The following MACF1 variants were observed in gnomAD, a reference collection of about 807,000 sequenced individuals.
MACF1 encodes the protein microtubule actin crosslinking factor 1, also known as microtubule-actin cross-linking factor 1.
Under a neutral mutation model 854.8 loss-of-function variants are expected in MACF1, and 193 were observed. The ratio of observed to expected loss-of-function variants is 0.23; its 90% CI spans 0.20 to 0.25. The LOEUF (loss-of-function observed/expected upper bound fraction) is 0.25, where lower values mean the gene tolerates loss of function less well. MACF1 is among the 10% of genes least tolerant of loss of function. The pLI is 1.00. For missense variants in MACF1, 7,722 were observed against 8,929.1 expected (o/e 0.86, Z 5.45); for synonymous variants, 3,185 against 3,226.7 (o/e 0.99, Z 0.44).
chr1:39,381,383 G>GT (rs1401873545), intron 55 of MACF1, among the ~76,000 whole-genome samples: 1 of 142,586 alleles, frequency 7.0e-6, no homozygotes, highest in Non-Finnish European at 1.5e-5. Flanking sequence ...TTTTTTGGGG[G>GT]GGGGGACAGG....
At chr1:39,276,156 G>A (rs1557558419) in intron 6 of MACF1, among the ~76,000 whole-genome samples, 1 of 152,102 alleles carries the variant, frequency 6.6e-6, no homozygotes, top group African/African-American at 2.4e-5. Flanking sequence ...CTGGGCTCAA[G>A]TGATCCTCTT....
rs1459845622 is a variant in MACF1, at chr1:39,353,209, A to G, written c.11402A>G (p.Asp3801Gly). Residue 3801 changes from aspartate (D) to glycine (G), a missense_variant, in exon 44 of 101, where the codon GAC becomes GGC. This residue lies in a region of MACF1 where 2,807 missense variants were observed against 3,235.8 expected (regional missense o/e 0.87). Coordinates refer to ENST00000564288, the MANE Select transcript of MACF1 (RefSeq NM_001394062.1). ...GTGAATCAAGCCCCAGAGAAACTGGACAAGCAATGTGAGATGATGAAGGTA... is the reference window on the plus strand; with the variant it reads ...GTGAATCAAGCCCCAGAGAAACTGGGCAAGCAATGTGAGATGATGAAGGTA... Reference protein sequence around the residue: ...MGVNQAPEKLDKQCEMMKARH... With the variant: ...MGVNQAPEKLGKQCEMMKARH... 1 of 1,607,264 alleles carries G rather than the reference A, an allele frequency of 6.2e-7. No individual in the cohort carries two copies. Among genetic ancestry groups the G allele is most frequent in the South Asian group, 1.1e-5 (1 of 90,932 alleles).
In MACF1 at chr1:39,443,498, T is replaced by C. The variant is rs769900710; in HGVS notation, c.19355T>C (p.Met6452Thr). 11 of 1,613,814 alleles carry C rather than the reference T, an allele frequency of 6.8e-6. No homozygotes were observed. Among genetic ancestry groups the C allele is most frequent in the Admixed American group, 1.7e-5 (1 of 59,972 alleles). Reference sequence around the variant, plus strand: ...GATTTCCTCTTGGAACTTACTAGAATGGAGAGCCAGCTTTCTGCATCTAAG... The same window carrying C: ...GATTTCCTCTTGGAACTTACTAGAACGGAGAGCCAGCTTTCTGCATCTAAG... Reference protein sequence around the residue: ...IEDFLLELTRMESQLSASKPT... With the variant: ...IEDFLLELTRTESQLSASKPT... Residue 6452 changes from methionine (M) to threonine (T), a missense_variant, in exon 79 of 101, where the codon ATG becomes ACG. Met to Thr is a moderately conservative substitution (Grantham distance 81). Coordinates refer to ENST00000564288, the MANE Select transcript of MACF1 (RefSeq NM_001394062.1).
At chr1:39,360,004 AAAAAAAAAATATATATATATATAT>A (rs1348684902) in intron 47 of MACF1, among the ~76,000 whole-genome samples, 1 of 72,422 alleles carries the variant, frequency 1.4e-5, no homozygotes, top group African/African-American at 6.4e-5. Flanking sequence ...AAAAAAAAAA[AAAAAAAAAATATATATATATATAT>A]ATATATATAT....
intron 18 of MACF1, among the ~76,000 whole-genome samples, chr1:39,294,129 C>T (rs1000028671): frequency 1.3e-5 from 2 of 152,158 alleles, no homozygotes; most frequent in African/African-American, 4.8e-5. Flanking sequence ...TATTGTTCAA[C>T]TGGGATATAC....
intron 15 of MACF1, 85 bp downstream of exon 15, chr1:39,287,647 T>C: frequency 7.0e-7 from 1 of 1,419,868 alleles, no homozygotes; most frequent in Non-Finnish European, 9.8e-7. Context: ...TTGCTTTGTG[T>C]TCCCTGTGCA....
In MACF1 at chr1:39,386,471, G is replaced by A. The variant is rs566625887; in HGVS notation, c.14344+542G>A. Among the ~76,000 whole-genome samples the A allele has an allele frequency of 8.1e-5, 12 of 147,558 alleles. No homozygotes were observed. In the South Asian group the frequency reaches 8.6e-4, roughly 11 times the overall value. On this transcript the variant is annotated intron_variant, in intron 57 of 100. Coordinates refer to ENST00000564288, the MANE Select transcript of MACF1 (RefSeq NM_001394062.1). ...TTTTGAGACAGAGTCTCACTCTGTT[G>A]CCCCAGCTGGAGTGCAGTGGCACGA...
At chr1:39,384,811 A>G (rs1650544493) in intron 56 of MACF1, among the ~76,000 whole-genome samples, 1 of 152,222 alleles carries the variant, frequency 6.6e-6, no homozygotes, top group African/African-American at 2.4e-5. Context: ...TGGGTATTGC[A>G]TGGCAAAGCA....
intron 1 of MACF1, among the ~76,000 whole-genome samples, chr1:39,225,371 C>T (rs1427025608): frequency 3.3e-5 from 5 of 151,038 alleles, no homozygotes; most frequent in East Asian, 3.9e-4. Flanking sequence ...CGCCCGCCAC[C>T]GCGCCCGGCT....
rs752916687 is a variant in MACF1, at chr1:39,084,316, G to A, written c.98G>A (p.Ser33Asn). The stretch of plus-strand genomic sequence containing the variant: ...TCTTACAGGAGCGAGCGGTCGGGGA[G>A]CCTGTCTCCCTGTCCCCCAGGGGAC... The change falls in exon 2 of 94, where the codon AGC becomes AAC. Residue 33 changes from serine to asparagine, a missense_variant. By Grantham distance (46) the Ser-to-Asn change is conservative (BLOSUM62 1). Coordinates refer to the MACF1 transcript ENST00000361689. This position sits in a 1 kb window ranked among gnomAD's most constrained non-coding sequence, Gnocchi z 5.2. 5 of 1,614,064 alleles carry A rather than the reference G, an allele frequency of 3.1e-6. No homozygotes were observed. Among genetic ancestry groups the A allele is most frequent in the Admixed American group, 3.3e-5 (2 of 60,020 alleles).
At chr1:39,316,911 C>G (rs1357952041) in intron 28 of MACF1, among the ~76,000 whole-genome samples, 2 of 152,162 alleles carry the variant, frequency 1.3e-5, no homozygotes, top group South Asian at 4.1e-4. Flanking sequence ...ATGAGAAAAC[C>G]AACACTTACT....
At chr1:39,436,386 A>G (rs1390394054) in intron 70 of MACF1, 4 of 1,306,742 alleles carry the variant, frequency 3.1e-6, no homozygotes, top group East Asian at 2.3e-5. Flanking sequence ...TCTCACTCAC[A>G]TTGTGGAATG....
At chr1:39,377,443 A>C (rs1649821472) in intron 52 of MACF1, among the ~76,000 whole-genome samples, 1 of 152,134 alleles carries the variant, frequency 6.6e-6, no homozygotes, top group Non-Finnish European at 1.5e-5. Flanking sequence ...TCATTACCTC[A>C]CCTGATTTTT....
intron 4 of MACF1, 102 bp from the exon 5 acceptor site, chr1:39,254,196 G>T: frequency 1.0e-6 from 1 of 961,028 alleles, no homozygotes; most frequent in South Asian, 1.4e-5. Flanking sequence ...CTACTGTAAG[G>T]AATTCTTGTG....
chr1:39,152,756 TC>T (rs1643607298), intron 2 of MACF1, among the ~76,000 whole-genome samples: 1 of 152,178 alleles, frequency 6.6e-6, no homozygotes, highest in Non-Finnish European at 1.5e-5. Flanking sequence ...GTGTCTGGAA[TC>T]TGACTTTTGA....
intron 2 of MACF1, chr1:39,103,784 TGCCC>T (rs1398536128): frequency 6.6e-6 from 1 of 152,228 alleles, no homozygotes; most frequent in Admixed American, 6.5e-5. Flanking sequence ...ATGATCTTCA[TGCCC>T]ACAACTTGGG....
chr1:39,430,588 A>AG (rs1400403738), intron 65 of MACF1, 114 bp from the exon 66 acceptor site: 15 of 753,452 alleles, frequency 2.0e-5, no homozygotes, highest in Non-Finnish European at 3.4e-5. Flanking sequence ...AACTGAAGGA[A>AG]GGAGGTCAGA....
chr1:39,434,447 G>T lies in MACF1; in HGVS notation c.17599G>T (p.Ala5867Ser). The T allele has an allele frequency of 6.3e-7, 1 of 1,583,556 alleles. No individual in the cohort carries two copies. Among genetic ancestry groups the T allele is most frequent in the Non-Finnish European group, 8.6e-7 (1 of 1,164,142 alleles). ...AGAGTCTCTAATACAGCAATATGAA[G>T]CCATTAGCCTACTCAATTCAGAGCG... The part of the protein sequence containing the change: ...KTESLIQQYE[A>S]ISLLNSERYA... The change falls in exon 69 of 101, where the codon GCC becomes TCC. Residue 5867 changes from alanine to serine, a missense_variant. Transcript: ENST00000564288.
chr1:39,204,998 G>A lies in MACF1; in HGVS notation c.-25G>A, dbSNP rs1006702967. ...TGCGCTGAGCTTGTGGCTAACTCAA[G>A]GGAGGAGAAAGGACGGGCCTGGAAA... On this transcript the variant is annotated 5_prime_UTR_variant, in exon 1 of 101. Coordinates refer to ENST00000564288, the MANE Select transcript of MACF1 (RefSeq NM_001394062.1). 28 of 702,714 alleles carry A rather than the reference G, an allele frequency of 4.0e-5. No homozygotes were observed. The highest frequency in any genetic ancestry group is 8.7e-5 in the African/African-American group (5 of 57,268). 43.5% of individuals were successfully genotyped at this position (702,714 alleles called of 1,614,324 possible). A position where few individuals can be genotyped will look rare whatever the true frequency, so the allele number is the denominator to read the frequency against.
Sources: gnomAD v4.1 joint callset for allele counts (sites outside exome capture counted in the v4.1 genomes callset) on GRCh38, gnomAD v4.1.1 for gene constraint, gnomAD v4.1.1 regional missense constraint, Gnocchi (gnomAD v3.1) non-coding constraint, MANE v1.5 for transcripts, NCBI Gene and HGNC (gene_info 2026-07-23, HGNC 2026-07-21) for gene names.